The following ATG7 variants were observed in gnomAD, a reference collection of about 807,000 sequenced individuals.
ATG7 encodes the protein autophagy related 7.
Under a neutral mutation model 82.4 loss-of-function variants are expected in ATG7, and 70 were observed. That is an observed-to-expected ratio of 0.85 (90% CI 0.70 to 1.04). The LOEUF (loss-of-function observed/expected upper bound fraction) is 1.04, where lower values mean the gene tolerates loss of function less well. Ranked by LOEUF, ATG7 falls within the 50% of genes least tolerant of loss-of-function variation. ATG7 has a pLI of 0.00. For missense variants in ATG7, 792 were observed against 864.3 expected (o/e 0.92, Z 1.05); for synonymous variants, 287 against 313.0 (o/e 0.92, Z 0.88).
intron 9 of ATG7, among the ~76,000 whole-genome samples, chr3:11,323,748 T>C (rs1488157694): frequency 1.3e-5 from 2 of 152,246 alleles, no homozygotes; most frequent in Admixed American, 1.3e-4. Flanking sequence ...ATGCTGTTAG[T>C]TGGGCTCTTT....
intron 20 of ATG7, among the ~76,000 whole-genome samples, chr3:11,554,124 T>A (rs930747313): frequency 6.6e-6 from 1 of 152,186 alleles, no homozygotes; most frequent in African/African-American, 2.4e-5. Context: ...TGGCTCTTGC[T>A]GGGTCCCTCA....
intron 20 of ATG7, among the ~76,000 whole-genome samples, chr3:11,457,086 G>A (rs940300321): frequency 2.0e-5 from 3 of 152,224 alleles, no homozygotes; most frequent in African/African-American, 4.8e-5. Context: ...GGACACAGTA[G>A]AAGCCGTTAA....
At chr3:11,408,273 T>C (rs1289071436) in intron 19 of ATG7, among the ~76,000 whole-genome samples, 1 of 152,166 alleles carries the variant, frequency 6.6e-6, no homozygotes, top group Non-Finnish European at 1.5e-5. Context: ...TCCCAACAAG[T>C]TCCTCATCTC....
intron 5 of ATG7, among the ~76,000 whole-genome samples, chr3:11,300,369 C>A (rs1252694469): frequency 6.6e-6 from 1 of 152,144 alleles, no homozygotes; most frequent in Non-Finnish European, 1.5e-5. Context: ...CCCAGGGTCA[C>A]ACCTGGCCAA....
At chr3:11,476,124 C>CT (rs2088183155) in intron 20 of ATG7, among the ~76,000 whole-genome samples, 1 of 152,224 alleles carries the variant, frequency 6.6e-6, no homozygotes, top group Non-Finnish European at 1.5e-5. Flanking sequence ...AGGTCCTCTC[C>CT]TTTGTACCCT....
chr3:11,355,960 T>G (rs1208866132), intron 14 of ATG7, among the ~76,000 whole-genome samples: 1 of 152,242 alleles, frequency 6.6e-6, no homozygotes, highest in Non-Finnish European at 1.5e-5. Flanking sequence ...CGATAAATTG[T>G]AGTATAATTA....
intron 14 of ATG7, chr3:11,348,850 A>T (rs2152790787): frequency 6.7e-6 from 1 of 148,722 alleles, no homozygotes; most frequent in South Asian, 2.2e-4. Context: ...GCGCTGACTG[A>T]TGCCTTTTTA....
chr3:11,559,110 GGCATGA>G (rs2072721588), downstream of ATG7, among the ~76,000 whole-genome samples: 1 of 152,192 alleles, frequency 6.6e-6, no homozygotes, highest in Non-Finnish European at 1.5e-5. Flanking sequence ...CTGCAACTAG[GGCATGA>G]GACCCTGGAA....
chr3:11,382,933 T>G (rs923487691), intron 19 of ATG7, among the ~76,000 whole-genome samples: 5 of 152,142 alleles, frequency 3.3e-5, no homozygotes, highest in African/African-American at 1.2e-4. Context: ...CCCTCCTTCT[T>G]CCCTTCCCCT....
intron 20 of ATG7, among the ~76,000 whole-genome samples, chr3:11,544,196 A>G (rs1456562153): frequency 6.6e-6 from 1 of 152,186 alleles, no homozygotes; most frequent in East Asian, 1.9e-4. Flanking sequence ...GAGTTGCCCC[A>G]GGTCCCCATG....
At chr3:11,435,991 T>A (rs2083337227) in intron 20 of ATG7, among the ~76,000 whole-genome samples, 1 of 152,140 alleles carries the variant, frequency 6.6e-6, no homozygotes, top group African/African-American at 2.4e-5. Flanking sequence ...TCCCAGCTGC[T>A]TGGGAGGCTG....
chr3:11,359,171 G>T (rs2076125002), intron 15 of ATG7, among the ~76,000 whole-genome samples: 1 of 152,006 alleles, frequency 6.6e-6, no homozygotes, highest in Admixed American at 6.6e-5. Flanking sequence ...GGAGAAAGAG[G>T]ACAAGAAGAA....
chr3:11,527,302 G>A (rs1341305668), intron 20 of ATG7, among the ~76,000 whole-genome samples: 11 of 151,942 alleles, frequency 7.2e-5, no homozygotes, highest in Admixed American at 1.3e-4. Context: ...ATGGGGTTTC[G>A]CCATGTTGGC....
chr3:11,306,954 C>G lies in ATG7; in HGVS notation c.227C>G (p.Thr76Ser). The G allele has an allele frequency of 6.2e-7, 1 of 1,613,940 alleles. No homozygotes were observed. The highest frequency in any genetic ancestry group is 1.1e-5 in the South Asian group (1 of 91,082). ...TCTCTTGTATCTAGGAGTGCTCCCACCCCAGCCCGTTGCTGCCCAGCTATT... is the reference window on the plus strand; with the variant it reads ...TCTCTTGTATCTAGGAGTGCTCCCAGCCCAGCCCGTTGCTGCCCAGCTATT... ...EFSAFDMSAP[T>S]PARCCPAIGT... The change falls in exon 6 of 21, where the codon ACC (threonine) becomes AGC (serine). Residue 76 changes from threonine (T) to serine (S), a missense_variant. By Grantham distance (58) the Thr-to-Ser change is moderately conservative (BLOSUM62 1). Coordinates refer to ENST00000693202, the MANE Select transcript of ATG7 (RefSeq NM_001349232.2).
At chr3:11,558,577 G>A (rs754885883), downstream of ATG7, 19 of 1,603,146 alleles carry the variant, frequency 1.2e-5, no homozygotes, top group South Asian at 1.9e-4. Flanking sequence ...CAGAGGGGGA[G>A]TGACTGTGGC....
rs955057 is a variant in ATG7 at position 11,413,085 on chromosome 3, T to C, written c.1957-13719T>C. Among the ~76,000 whole-genome samples, 25 of 152,302 alleles carry C rather than the reference T, an allele frequency of 1.6e-4. No individual in the cohort carries two copies. The East Asian group carries it at 4.8e-3, about 29-fold the overall frequency. ...AGTTTTTGTAGACTGTAGGGTTTTG[T>C]ACATGTAAAATCATATCATTTGCAA... is the stretch of plus-strand genomic sequence containing the variant. On this transcript the variant is annotated intron_variant, in intron 19 of 20. Transcript: ENST00000693202.
chr3:11,557,250 CAG>C lies in ATG7; in HGVS notation c.*2408_*2409del. 1 of 152,768 alleles carries C rather than the reference CAG, an allele frequency of 6.5e-6. No individual in the cohort carries two copies. The highest frequency in any genetic ancestry group is 1.5e-5 in the Non-Finnish European group (1 of 68,044). 9.5% of individuals were successfully genotyped at this position (152,768 alleles called of 1,614,324 possible). On this transcript the variant is annotated 3_prime_UTR_variant, in exon 21 of 21. Coordinates refer to ENST00000693202, the MANE Select transcript of ATG7 (RefSeq NM_001349232.2). ...CTATTAATATAGCAAATAATAAATG[CAG>C]TAATAACAGTATAAAGTCAGAGGAA...
At chr3:11,559,225 G>C, downstream of ATG7, 3 of 1,430,304 alleles carry the variant, frequency 2.1e-6, no homozygotes, top group South Asian at 3.0e-5. Flanking sequence ...TTCAACCTCA[G>C]CAATAGATGG....
At chr3:11,444,370 T>C (rs1040776196) in intron 20 of ATG7, among the ~76,000 whole-genome samples, 2 of 152,208 alleles carry the variant, frequency 1.3e-5, no homozygotes, top group African/African-American at 4.8e-5. Context: ...GTTTAGAATT[T>C]AATTAATACT....
Sources: gnomAD v4.1 joint callset for allele counts (sites outside exome capture counted in the v4.1 genomes callset) on GRCh38, gnomAD v4.1.1 for gene constraint, MANE v1.5 for transcripts, NCBI Gene and HGNC (gene_info 2026-07-23, HGNC 2026-07-21) for gene names.